FAT3: variants seen among roughly 807,000 people sequenced by gnomAD.
FAT3 encodes protocadherin Fat 3.
A neutral mutation model predicts 310.2 loss-of-function variants in FAT3; 95 were observed. That is an observed-to-expected ratio of 0.31 (90% CI 0.26 to 0.36). The LOEUF (loss-of-function observed/expected upper bound fraction) is 0.36. Ranked by LOEUF, FAT3 falls within the 10% of genes least tolerant of loss-of-function variation. The probability of loss-of-function intolerance (pLI) is 1.00; values close to 1 mark genes in which losing one functional copy is unlikely to be tolerated. For synonymous variants in FAT3, 2,314 were observed against 2,192.9 expected (o/e 1.06, Z -1.54); for missense variants, 5,408 against 5,715.6 (o/e 0.95, Z 1.74).
intron 8 of FAT3, among the ~76,000 whole-genome samples, chr11:92,792,049 G>C (rs201260134): frequency 6.6e-6 from 1 of 151,956 alleles, no homozygotes; most frequent in Non-Finnish European, 1.5e-5. Context: ...TGGCTTTTTT[G>C]CCTGAAAATG....
At chr11:92,418,434 C>CCG (rs1391758456) in intron 2 of FAT3, among the ~76,000 whole-genome samples, 1 of 109,150 alleles carries the variant, frequency 9.2e-6, no homozygotes, top group Non-Finnish European at 1.8e-5. Context: ...CCCCACCCCC[C>CCG]CACACACACA....
At chr11:92,714,752 G>A (rs190466190) in intron 4 of FAT3, among the ~76,000 whole-genome samples, 2 of 152,188 alleles carry the variant, frequency 1.3e-5, no homozygotes, top group East Asian at 3.9e-4. Context: ...CTATCTACAG[G>A]TAGTTTTAAT....
At chr11:92,420,125 A>T (rs937644346) in intron 2 of FAT3, among the ~76,000 whole-genome samples, 13 of 152,206 alleles carry the variant, frequency 8.5e-5, no homozygotes, top group Non-Finnish European at 1.3e-4. Flanking sequence ...AGGTTTTGTC[A>T]TTCAAGGGCA....
intron 1 of FAT3, among the ~76,000 whole-genome samples, chr11:92,227,783 G>T (rs1461025215): frequency 6.8e-6 from 1 of 146,162 alleles, no homozygotes; most frequent in African/African-American, 2.5e-5. Flanking sequence ...TCCTAAATTG[G>T]AGCAATTGAA....
In FAT3 at chr11:92,292,792, A is replaced by G. The variant is rs550847803; in HGVS notation, c.-17-59304A>G. Among the ~76,000 whole-genome samples the G allele has an allele frequency of 3.9e-5, 6 of 152,190 alleles. No homozygotes were observed. In the South Asian group the frequency reaches 1.2e-3, roughly 32 times the overall value. Reference sequence around the variant, plus strand: ...GCTGCATTTCCCACTGGACTCTGATATCACAGGTATTTTAAGAAGGGTAGA... The same window carrying G: ...GCTGCATTTCCCACTGGACTCTGATGTCACAGGTATTTTAAGAAGGGTAGA... On this transcript the variant is annotated intron_variant, in intron 1 of 27. Transcript: ENST00000525166.
intron 3 of FAT3, among the ~76,000 whole-genome samples, chr11:92,607,483 G>A (rs1266912610): frequency 1.3e-5 from 2 of 152,044 alleles, no homozygotes; most frequent in Non-Finnish European, 2.9e-5. Flanking sequence ...TGCCTTCTGA[G>A]GGGACTTTAT....
chr11:92,683,158 T>A (rs1161377374), intron 3 of FAT3, among the ~76,000 whole-genome samples: 1 of 152,068 alleles, frequency 6.6e-6, no homozygotes. Context: ...TGCTTTCTAA[T>A]GTGGTCTTGG....
intron 2 of FAT3, among the ~76,000 whole-genome samples, chr11:92,410,049 A>G (rs1262990060): frequency 2.6e-5 from 4 of 152,188 alleles, no homozygotes; most frequent in Non-Finnish European, 5.9e-5. Flanking sequence ...ACAAGGGTCA[A>G]AAATGTAAGG....
At chr11:92,569,621 A>G (rs565321798) in intron 3 of FAT3, among the ~76,000 whole-genome samples, 39 of 152,292 alleles carry the variant, frequency 2.6e-4, no homozygotes, top group African/African-American at 8.9e-4. Flanking sequence ...ACTGGCACTC[A>G]TGTAATTTTT....
At chr11:92,226,453 G>T (rs1361599542) in intron 1 of FAT3, among the ~76,000 whole-genome samples, 4 of 152,024 alleles carry the variant, frequency 2.6e-5, no homozygotes, top group Admixed American at 6.5e-5. Flanking sequence ...GGTGGCCGGA[G>T]TTTGGCTGCG....
At chr11:92,801,990 G>C in intron 10 of FAT3, 81 bp downstream of exon 10, 1 of 1,340,328 alleles carries the variant, frequency 7.5e-7, no homozygotes, top group Non-Finnish European at 1.0e-6. Context: ...GAGTAAGAGA[G>C]AAGGAAGATG....
chr11:92,805,984 GA>G (rs2136202207), intron 11 of FAT3, among the ~76,000 whole-genome samples: 1 of 152,290 alleles, frequency 6.6e-6, no homozygotes, highest in South Asian at 2.1e-4. Context: ...GCTCTTTAAA[GA>G]GTTGAAGAGA....
At chr11:92,867,281 C>T in intron 22 of FAT3, 72 bp downstream of exon 22, 1 of 1,412,810 alleles carries the variant, frequency 7.1e-7, no homozygotes. Context: ...AGGGGGATCC[C>T]TGCCCTCCCA....
chr11:92,564,531 G>T (rs1264530768), intron 3 of FAT3, among the ~76,000 whole-genome samples: 1 of 151,896 alleles, frequency 6.6e-6, no homozygotes, highest in African/African-American at 2.4e-5. Flanking sequence ...TCTGCACCAA[G>T]TTGACCTAAT....
chr11:92,288,110 A>C (rs1349806059), intron 1 of FAT3, among the ~76,000 whole-genome samples: 1 of 152,116 alleles, frequency 6.6e-6, no homozygotes, highest in African/African-American at 2.4e-5. Flanking sequence ...AAAAAACATG[A>C]TATGTACGTA....
intron 2 of FAT3, among the ~76,000 whole-genome samples, chr11:92,483,405 A>G (rs610623): frequency 0.56 from 85,231 of 151,456 alleles, 24,760 homozygotes; most frequent in East Asian, 0.7. Context: ...GCGCGATCTC[A>G]GCTCACTGCA....
At chr11:92,689,367 A>G (rs1203497929) in intron 3 of FAT3, among the ~76,000 whole-genome samples, 1 of 152,172 alleles carries the variant, frequency 6.6e-6, no homozygotes, top group East Asian at 1.9e-4. Context: ...AAAGGGGGAG[A>G]AGTGCGCCAT....
intron 3 of FAT3, among the ~76,000 whole-genome samples, chr11:92,627,490 CT>C (rs1198988675): frequency 6.6e-6 from 1 of 152,022 alleles, no homozygotes; most frequent in African/African-American, 2.4e-5. Flanking sequence ...AATATGGCTC[CT>C]AAATCTTTTG....
At chr11:92,328,442 T>C (rs1287447595) in intron 1 of FAT3, among the ~76,000 whole-genome samples, 1 of 152,250 alleles carries the variant, frequency 6.6e-6, no homozygotes, top group Middle Eastern at 3.2e-3. Context: ...TCATTGAGTT[T>C]TCTGTAATCA....
Sources: gnomAD v4.1 joint callset for allele counts (sites outside exome capture counted in the v4.1 genomes callset) on GRCh38, gnomAD v4.1.1 for gene constraint, MANE v1.5 for transcripts, NCBI Gene and HGNC (gene_info 2026-07-23, HGNC 2026-07-21) for gene names.